DNAH7: variants seen among roughly 807,000 people sequenced by gnomAD.
DNAH7 encodes the protein dynein axonemal heavy chain 7.
A neutral mutation model predicts 444.6 loss-of-function variants in DNAH7; 397 were observed. The observed-to-expected ratio is 0.89, with a 90% CI of 0.82 to 0.97. The LOEUF (loss-of-function observed/expected upper bound fraction) is 0.97, where lower values mean the gene tolerates loss of function less well. Among genes scored for constraint, DNAH7 ranks in the 50% least tolerant of loss-of-function variants. DNAH7 has a pLI of 0.00. For synonymous variants in DNAH7, 1,636 were observed against 1,624.4 expected (o/e 1.01, Z -0.17); for missense variants, 4,902 against 4,800.8 (o/e 1.02, Z -0.62).
intron 58 of DNAH7, among the ~76,000 whole-genome samples, chr2:195,778,637 TAAATAA>T (rs1399260140): frequency 5.0e-4 from 18 of 36,086 alleles, no homozygotes; most frequent in African/African-American, 1.8e-3. Flanking sequence ...AAAAAATAAA[TAAATAA>T]ATATATATAT....
intron 7 of DNAH7, among the ~76,000 whole-genome samples, chr2:196,024,878 C>T (rs568890069): frequency 2.0e-5 from 3 of 151,578 alleles, no homozygotes; most frequent in African/African-American, 7.3e-5. Context: ...AAGGTACATA[C>T]ACTTGGCCCT....
rs537953491 is a variant in DNAH7 at position 195,747,582 on chromosome 2, C to A, written c.11765-6713G>T. 3.5e-3 allele frequency among the ~76,000 whole-genome samples: 539 copies of A among 152,232 alleles called. 1 individual carries two copies. The highest frequency in any genetic ancestry group is 5.7e-3 in the Non-Finnish European group (391 of 68,020). ...ATCCTTGAACATTGATGCAAAAATCCTCAATAAAATACTGGCAAACCAAAT... is the reference window on the plus strand; with the variant it reads ...ATCCTTGAACATTGATGCAAAAATCATCAATAAAATACTGGCAAACCAAAT... On this transcript the variant is annotated intron_variant, in intron 63 of 64. Transcript: ENST00000312428.
chr2:195,775,843 CACCTGTG>C lies in DNAH7; in HGVS notation c.11198_11202+2del. On this transcript the variant is annotated splice_donor_variant and coding_sequence_variant, in exon 60 of 65. Transcript: ENST00000312428. LOFTEE classifies it high-confidence loss of function. Reference sequence around the variant, plus strand: ...GAATCCAGGTCCTATACAGATCACACACCTGTGTAAGAAGAATGTTATCAAATAGCAG... The same window carrying C: ...GAATCCAGGTCCTATACAGATCACACTAAGAAGAATGTTATCAAATAGCAG... 2 of 1,613,666 alleles carry C rather than the reference CACCTGTG, an allele frequency of 1.2e-6. No homozygotes were observed. The highest frequency in any genetic ancestry group is 2.2e-5 in the South Asian group (2 of 91,018).
chr2:195,909,744 G>A (rs552304752), intron 25 of DNAH7, among the ~76,000 whole-genome samples: 11 of 152,220 alleles, frequency 7.2e-5, no homozygotes, highest in South Asian at 4.1e-4. Context: ...CGATGCAATC[G>A]TTCTCAAACT....
chr2:195,763,416 T>C (rs1694438016), intron 61 of DNAH7, among the ~76,000 whole-genome samples: 3 of 151,122 alleles, frequency 2.0e-5, no homozygotes, highest in Non-Finnish European at 3.0e-5. Flanking sequence ...ATGAAGAAAG[T>C]ACATAATCAA....
chr2:195,916,437 A>AC (rs1200944120), intron 24 of DNAH7, among the ~76,000 whole-genome samples: 26 of 60,312 alleles, frequency 4.3e-4, no homozygotes, highest in East Asian at 1.7e-3. Flanking sequence ...GGCTCCTCCC[A>AC]CCCCCCCACC....
At chr2:195,755,270 T>C (rs1217233407) in intron 62 of DNAH7, among the ~76,000 whole-genome samples, 2 of 152,170 alleles carry the variant, frequency 1.3e-5, no homozygotes, top group Non-Finnish European at 2.9e-5. Flanking sequence ...AAATTCAACA[T>C]ATAGGAACAC....
intron 15 of DNAH7, among the ~76,000 whole-genome samples, chr2:195,978,163 A>T (rs1247913391): frequency 6.6e-6 from 1 of 150,574 alleles, no homozygotes; most frequent in Non-Finnish European, 1.5e-5. Context: ...AGGCAGAAAG[A>T]TGAACTGGTA....
At chr2:195,896,008 T>C (rs758217478) in intron 29 of DNAH7, among the ~76,000 whole-genome samples, 1 of 152,190 alleles carries the variant, frequency 6.6e-6, no homozygotes, top group Non-Finnish European at 1.5e-5. Context: ...ACAAATAAAG[T>C]GACTACAAAC....
intron 63 of DNAH7, among the ~76,000 whole-genome samples, chr2:195,744,632 G>C (rs191840493): frequency 6.6e-6 from 1 of 152,114 alleles, no homozygotes; most frequent in Non-Finnish European, 1.5e-5. Flanking sequence ...CACCTCACAC[G>C]GCCGGGTACT....
rs1014651481 is a variant in DNAH7, at chr2:195,740,605, G to A, written c.11868+161C>T. On this transcript the variant is annotated intron_variant, in intron 64 of 64. Transcript: ENST00000312428. The stretch of plus-strand genomic sequence containing the variant: ...TGTATATGTGTGTGTGTGTGTGTGT[G>A]TGTGTGTGTGTATATATATATATAT... Among the ~76,000 whole-genome samples, 132 of 54,810 alleles carry A rather than the reference G, an allele frequency of 2.4e-3. 1 individual carries two copies. The highest frequency in any genetic ancestry group is 9.5e-3 in the African/African-American group (97 of 10,206). 36.0% of individuals were successfully genotyped at this position (54,810 alleles called of 152,430 possible).
intron 14 of DNAH7, 28 bp from the exon 15 acceptor site, chr2:195,984,738 C>A: frequency 2.5e-6 from 4 of 1,593,258 alleles, no homozygotes; most frequent in Non-Finnish European, 2.6e-6. Context: ...ACCAATCTTA[C>A]ATATTTACAG....
chr2:196,015,982 C>T (rs41434747), intron 9 of DNAH7, among the ~76,000 whole-genome samples: 5,468 of 152,302 alleles, frequency 0.036, 218 homozygotes, highest in African/African-American at 0.093. Flanking sequence ...GTGTCTTTAC[C>T]ATGGATGCCT....
At chr2:196,020,602 T>G (rs1695317432) in intron 8 of DNAH7, among the ~76,000 whole-genome samples, 1 of 147,878 alleles carries the variant, frequency 6.8e-6, no homozygotes, top group Admixed American at 6.8e-5. Context: ...GGGAATAATT[T>G]GGGGCTTTTG....
intron 33 of DNAH7, 129 bp from the exon 34 acceptor site, chr2:195,886,401 G>T (rs999013649): frequency 1.9e-5 from 14 of 747,086 alleles, no homozygotes; most frequent in Non-Finnish European, 2.7e-5. Flanking sequence ...TACTACCTAC[G>T]AGTAGGTACT....
intron 48 of DNAH7, among the ~76,000 whole-genome samples, chr2:195,827,846 C>T (rs915838778): frequency 7.9e-5 from 12 of 152,138 alleles, no homozygotes; most frequent in African/African-American, 2.6e-4. Context: ...CAAAGTGCTA[C>T]GATTACAGGA....
Position 196,016,402 on chromosome 2 carries a change from A to G in DNAH7, c.869+2768T>C, listed in dbSNP as rs552784256. Among the ~76,000 whole-genome samples the G allele has an allele frequency of 1.6e-4, 25 of 152,334 alleles. 1 individual carries two copies. The highest frequency in any genetic ancestry group is 5.5e-4 in the African/African-American group (23 of 41,580). ...AAGAGGTATTTTAACTCCAATATTC[A>G]AAAGAAAAGAAATGACAAAAACATG... is the stretch of plus-strand genomic sequence containing the variant. On this transcript the variant is annotated intron_variant, in intron 9 of 64. Transcript: ENST00000312428.
chr2:195,962,152 T>C (rs1307287856), intron 17 of DNAH7, among the ~76,000 whole-genome samples: 1 of 152,108 alleles, frequency 6.6e-6, no homozygotes, highest in African/African-American at 2.4e-5. Flanking sequence ...GCTAAATACA[T>C]GGGTTACGAG....
Position 195,817,630 on chromosome 2 carries a change from T to C in DNAH7, c.9425+66A>G, listed in dbSNP as rs560253886. ...AATCTAACAAAAGAGATCTGTAAAA[T>C]GTATTTTAATTCATTCTAGTGATCT... On this transcript the variant is annotated intron_variant, in intron 50 of 64. Transcript: ENST00000312428. 19 of 1,462,812 alleles carry C rather than the reference T, an allele frequency of 1.3e-5. No homozygotes were observed. In the Admixed American group the frequency reaches 2.8e-4, roughly 21 times the overall value. The allele number at this position is 1,462,812 out of a possible 1,614,324, so 90.6% of individuals were successfully genotyped here. A position where few individuals can be genotyped will look rare whatever the true frequency, so the allele number is the denominator to read the frequency against.
Sources: allele counts gnomAD v4.1 joint callset (sites outside exome capture counted in the v4.1 genomes callset), GRCh38; gene constraint gnomAD v4.1.1; transcripts MANE v1.5; gene names NCBI Gene and HGNC (gene_info 2026-07-23, HGNC 2026-07-21).